SNX32: variants seen among roughly 807,000 people sequenced by gnomAD.
SNX32 encodes the protein sorting nexin-32.
A neutral mutation model predicts 57.0 loss-of-function variants in SNX32; 58 were observed. The ratio of observed to expected loss-of-function variants is 1.02; its 90% CI spans 0.82 to 1.27. The LOEUF is 1.27. Ranked by LOEUF, SNX32 falls within the 50% of genes most tolerant of loss-of-function variation. SNX32 has a pLI of 0.00. For missense variants in SNX32, 589 were observed against 541.2 expected, an observed-to-expected ratio of 1.09 and a Z score of -0.88; for synonymous variants, 262 against 220.4, an observed-to-expected ratio of 1.19 and a Z score of -1.67.
At chr11:65,853,244 G>T in intron 12 of SNX32, 38 bp from the exon 13 acceptor site, 4 of 1,613,852 alleles carry the variant, frequency 2.5e-6, no homozygotes, top group Non-Finnish European at 1.7e-6. Flanking sequence ...CCTGACTCAG[G>T]GAGCAGGGGA....
At chr11:65,851,958 G>C (rs1449774080) in intron 9 of SNX32, among the ~76,000 whole-genome samples, 1 of 152,176 alleles carries the variant, frequency 6.6e-6, no homozygotes, top group Non-Finnish European at 1.5e-5. Context: ...ACCTCTGGCA[G>C]GCTGCACCCA....
In SNX32 at chr11:65,851,097, G is replaced by C; in HGVS notation, c.646G>C (p.Glu216Gln). 6.2e-7 allele frequency: 1 copy of C among 1,613,972 alleles called. No individual in the cohort carries two copies. The highest frequency in any genetic ancestry group is 1.1e-5 in the South Asian group (1 of 91,080). Reference protein sequence around the residue: ...FFEHERTFLLEYHTRIRDACL... With the variant: ...FFEHERTFLLQYHTRIRDACL... ...TGAGCATGAGAGGACCTTCCTGTTG[G>C]AGTATCACACCCGTATCCGAGATGC... The change falls in exon 7 of 13, where the codon GAG becomes CAG. Residue 216 changes from glutamate (E) to glutamine (Q), a missense_variant. Glu to Gln is a conservative substitution (Grantham distance 29). Coordinates refer to ENST00000308342, the MANE Select transcript of SNX32 (RefSeq NM_152760.3).
intron 1 of SNX32, among the ~76,000 whole-genome samples, chr11:65,835,825 G>C (rs1858654795): frequency 3.9e-5 from 6 of 152,090 alleles, no homozygotes; most frequent in Admixed American, 3.9e-4. Context: ...ATGAGGAGCG[G>C]GGTTCAAGTG....
intron 1 of SNX32, among the ~76,000 whole-genome samples, chr11:65,842,292 C>A (rs2134691735): frequency 6.6e-6 from 1 of 152,258 alleles, no homozygotes; most frequent in Admixed American, 6.5e-5. Context: ...ACAAACAGTG[C>A]TCAAATAGCT....
At position 65,850,527 on chromosome 11, in the gene SNX32, CTT is replaced by C. The variant is rs748922515; in HGVS notation, c.473_474del (p.Phe158CysfsTer33). 6.2e-7 allele frequency: 1 copy of C among 1,612,432 alleles called. No homozygotes were observed. The highest frequency in any genetic ancestry group is 1.3e-5 in the African/African-American group (1 of 74,892). On this transcript the variant is annotated frameshift_variant, in exon 5 of 13. Transcript: ENST00000308342. LOFTEE classifies it high-confidence loss of function. ...HPTLRRDHNF[F>X]VFLEYGQDLS... ...CCACCCTGCGTCGAGACCACAACTTCTTTGTGTTTTTGGAATATGGACAGGAT... is the reference window on the plus strand; with the variant it reads ...CCACCCTGCGTCGAGACCACAACTTCTGTGTTTTTGGAATATGGACAGGAT...
chr11:65,842,527 C>T (rs185446673), intron 1 of SNX32, among the ~76,000 whole-genome samples: 81 of 152,156 alleles, frequency 5.3e-4, no homozygotes, highest in African/African-American at 1.7e-3. Flanking sequence ...GTGGCACACG[C>T]CTGTAATCCC....
rs1177385100 is a variant in SNX32, at chr11:65,850,808, G to A, written c.556G>A (p.Val186Met). 4 of 1,614,106 alleles carry A rather than the reference G, an allele frequency of 2.5e-6. No individual in the cohort carries two copies. The highest frequency in any genetic ancestry group is 3.4e-6 in the Non-Finnish European group (4 of 1,180,000). Residue 186 changes from valine to methionine, a missense_variant, in exon 6 of 13, where the codon GTG becomes ATG. Coordinates refer to ENST00000308342, the MANE Select transcript of SNX32 (RefSeq NM_152760.3). The part of the protein sequence containing the change: ...ELLGGFLRNI[V>M]KSADEALITG... ...CCTCGGAGGGTTTCTGAGGAATATT[G>A]TGAAGTCCGCGGATGAAGCCCTCAT...
intron 1 of SNX32, among the ~76,000 whole-genome samples, chr11:65,843,259 T>G (rs955512167): frequency 7.0e-6 from 1 of 142,326 alleles, no homozygotes; most frequent in African/African-American, 2.6e-5. Flanking sequence ...AAAATTAAAA[T>G]GAAGAAAATG....
intron 1 of SNX32, among the ~76,000 whole-genome samples, chr11:65,834,890 G>A (rs922360916): frequency 6.6e-6 from 1 of 150,624 alleles, no homozygotes; most frequent in African/African-American, 2.4e-5. Context: ...GTCTGTATCC[G>A]TGTGTCTTTG....
At position 65,852,761 on chromosome 11, in the gene SNX32, C is replaced by A. The variant is rs757579112; in HGVS notation, c.1044C>A (p.Phe348Leu). Reference sequence around the variant, plus strand: ...ACCAGCAGCTGTGCTGCCAACGCTTCGAGCGCCTCTCCGACTCCGCCAAGC... The same window carrying A: ...ACCAGCAGCTGTGCTGCCAACGCTTAGAGCGCCTCTCCGACTCCGCCAAGC... ...ESHQQLCCQR[F>L]ERLSDSAKQE... The change falls in exon 11 of 13, where the codon TTC (phenylalanine) becomes TTA (leucine). Residue 348 changes from phenylalanine to leucine, a missense_variant. Coordinates refer to ENST00000308342, the MANE Select transcript of SNX32 (RefSeq NM_152760.3). 1.9e-6 allele frequency: 3 copies of A among 1,608,946 alleles called. No individual in the cohort carries two copies. In the Admixed American group the frequency reaches 5.0e-5, roughly 27 times the overall value.
At chr11:65,847,746 C>T (rs1859041822) in intron 1 of SNX32, among the ~76,000 whole-genome samples, 1 of 151,988 alleles carries the variant, frequency 6.6e-6, no homozygotes, top group African/African-American at 2.4e-5. Context: ...CCCGTGTCTA[C>T]TAAAAATACA....
At chr11:65,847,130 C>A (rs571843066) in intron 1 of SNX32, among the ~76,000 whole-genome samples, 2 of 152,000 alleles carry the variant, frequency 1.3e-5, no homozygotes, top group Admixed American at 6.6e-5. Context: ...CAGCCCCCCC[C>A]AAGTAGCTGG....
rs1859118364 is a variant in SNX32, at chr11:65,849,985, G to A, written c.207G>A (p.Trp69Ter). 1.2e-6 allele frequency: 2 copies of A among 1,611,804 alleles called. No homozygotes were observed. Among genetic ancestry groups the A allele is most frequent in the East Asian group, 4.5e-5 (2 of 44,794 alleles). ...SVVRQHEEFI[W>*]LHDAYVENEE... ...TGCGGCAGCACGAGGAGTTCATCTG[G>A]CTGCATGATGCCTACGTGGAGAATG... The change falls in exon 3 of 13, where the codon TGG (tryptophan) becomes TGA (stop). Residue 69 changes from tryptophan (W) to a stop codon, truncating the protein, a stop_gained. Coordinates refer to ENST00000308342, the MANE Select transcript of SNX32 (RefSeq NM_152760.3). LOFTEE classifies it high-confidence loss of function.
chr11:65,836,370 C>T (rs1361468488), intron 1 of SNX32, among the ~76,000 whole-genome samples: 1 of 151,944 alleles, frequency 6.6e-6, no homozygotes, highest in South Asian at 2.1e-4. Flanking sequence ...TGGTGAAACC[C>T]CATCTCTACT....
intron 1 of SNX32, among the ~76,000 whole-genome samples, chr11:65,843,767 C>T (rs1049173364): frequency 2.0e-5 from 3 of 152,064 alleles, no homozygotes; most frequent in Admixed American, 2.0e-4. Context: ...CATTAAGAGT[C>T]AAAGGCAAAC....
intron 1 of SNX32, among the ~76,000 whole-genome samples, chr11:65,844,984 C>T (rs1858948640): frequency 7.0e-6 from 1 of 141,886 alleles, no homozygotes; most frequent in South Asian, 2.3e-4. Flanking sequence ...AAAAAAAAGT[C>T]TTCTAAAGAC....
intron 1 of SNX32, among the ~76,000 whole-genome samples, chr11:65,839,773 A>G (rs1175168271): frequency 1.3e-5 from 2 of 151,826 alleles, no homozygotes; most frequent in Non-Finnish European, 2.9e-5. Flanking sequence ...TAAGCAATAT[A>G]TAAAAGGATA....
chr11:65,839,223 G>GTTTTTTTTTTTTTTTTTGT (rs755185237), intron 1 of SNX32, among the ~76,000 whole-genome samples: 2 of 23,078 alleles, frequency 8.7e-5, no homozygotes, highest in Non-Finnish European at 1.4e-4. Flanking sequence ...TAATTTTTTT[G>GTTTTTTTTTTTTTTTTTGT]TATTTTTTTT....
In SNX32 at chr11:65,839,225, A is replaced by ATTTTT. The variant is rs1168882508; in HGVS notation, c.36+5142_36+5146dup. Reference sequence around the variant, plus strand: ...CACCACGCCCAGCTAATTTTTTTGTATTTTTTTTTTTTTTTTTTTTTTGAG... The same window carrying ATTTTT: ...CACCACGCCCAGCTAATTTTTTTGTATTTTTTTTTTTTTTTTTTTTTTTTTTTGAG... On this transcript the variant is annotated intron_variant, in intron 1 of 12. Coordinates refer to ENST00000308342, the MANE Select transcript of SNX32 (RefSeq NM_152760.3). Among the ~76,000 whole-genome samples the ATTTTT allele has an allele frequency of 3.9e-3, 107 of 27,638 alleles. 23 individuals carry two copies. The highest frequency in any genetic ancestry group is 0.015 in the African/African-American group (100 of 6,628). The allele number at this position is 27,638 out of a possible 152,430, so 18.1% of individuals were successfully genotyped here. A position where few individuals can be genotyped will look rare whatever the true frequency, so the allele number is the denominator to read the frequency against.
Sources: gnomAD v4.1 joint callset for allele counts (sites outside exome capture counted in the v4.1 genomes callset) on GRCh38, gnomAD v4.1.1 for gene constraint, MANE v1.5 for transcripts, NCBI Gene and HGNC (gene_info 2026-07-23, HGNC 2026-07-21) for gene names.